Variants in SNX24 observed in about 807,000 individuals in gnomAD.
SNX24 encodes sorting nexin-24.
A neutral mutation model predicts 28.7 loss-of-function variants in SNX24; 22 were observed. The ratio of observed to expected loss-of-function variants is 0.77; its 90% CI spans 0.55 to 1.10. The LOEUF is 1.10. SNX24 is among the 50% of genes least tolerant of loss of function. SNX24 has a pLI of 0.00. For synonymous variants in SNX24, 69 were observed against 71.5 expected, an observed-to-expected ratio of 0.96 and a Z score of 0.18; for missense variants, 221 against 201.1, an observed-to-expected ratio of 1.10 and a Z score of -0.60.
intron 1 of SNX24, among the ~76,000 whole-genome samples, chr5:122,901,664 C>G (rs998871140): frequency 1.3e-5 from 2 of 152,156 alleles, no homozygotes; most frequent in Non-Finnish European, 1.5e-5. Flanking sequence ...GTCATTGCCC[C>G]TTGGACTTTA....
intron 1 of SNX24, among the ~76,000 whole-genome samples, chr5:122,906,259 C>T (rs1757642627): frequency 6.6e-6 from 1 of 152,196 alleles, no homozygotes; most frequent in Non-Finnish European, 1.5e-5. Context: ...GCACCCCATA[C>T]CTGGCTCACT....
rs566059024 is a variant in SNX24 at position 122,881,949 on chromosome 5, G to C, written c.60+36256G>C. On this transcript the variant is annotated intron_variant, in intron 1 of 6. Coordinates refer to ENST00000261369, the MANE Select transcript of SNX24 (RefSeq NM_014035.4). ...CTGCAGATAATTTCTGTGGTACAAG[G>C]ATTATGAATTTTGTTTGTTGGATTT... is the stretch of plus-strand genomic sequence containing the variant. 1.2e-3 allele frequency among the ~76,000 whole-genome samples: 183 copies of C among 151,168 alleles called. 2 individuals carry two copies. Among genetic ancestry groups the C allele is most frequent in the African/African-American group, 4.1e-3 (171 of 41,256 alleles).
rs552956854 is a variant in SNX24, at chr5:123,008,400, T to C, written c.*651T>C. 1.7e-6 allele frequency: 1 copy of C among 593,404 alleles called. No individual in the cohort carries two copies. The highest frequency in any genetic ancestry group is 2.1e-6 in the Non-Finnish European group (1 of 471,924). The allele number at this position is 593,404 out of a possible 1,614,324, so 36.8% of individuals were successfully genotyped here. A position where few individuals can be genotyped will look rare whatever the true frequency, so the allele number is the denominator to read the frequency against. ...AGGTCAGTACATAGGTAAAATGGGC[T>C]ATTAGGATGATCCTTGAAAGCCCTT... On this transcript the variant is annotated 3_prime_UTR_variant, in exon 7 of 7. Coordinates refer to ENST00000261369, the MANE Select transcript of SNX24 (RefSeq NM_014035.4).
chr5:122,902,793 C>CGTCTTG (rs1437290007), intron 1 of SNX24, among the ~76,000 whole-genome samples: 4 of 152,158 alleles, frequency 2.6e-5, no homozygotes, highest in Admixed American at 1.3e-4. Flanking sequence ...GCCCCTTCCC[C>CGTCTTG]GTCTTGTCCC....
intron 3 of SNX24, among the ~76,000 whole-genome samples, chr5:122,951,806 G>C (rs1416554331): frequency 6.6e-6 from 1 of 152,238 alleles, no homozygotes; most frequent in Admixed American, 6.5e-5. Context: ...GTCTGTTGTG[G>C]AGGCGGGAGG....
At chr5:122,861,554 ATT>A in intron 1 of SNX24, among the ~76,000 whole-genome samples, 1 of 149,892 alleles carries the variant, frequency 6.7e-6, no homozygotes, top group Middle Eastern at 3.6e-3. Flanking sequence ...CTCTCAGAGG[ATT>A]TTTTTTTTAA....
chr5:122,969,797 A>T (rs1448658636), intron 3 of SNX24, among the ~76,000 whole-genome samples: 2 of 152,016 alleles, frequency 1.3e-5, no homozygotes, highest in East Asian at 3.9e-4. Context: ...CCTTCTTTAT[A>T]TTCCACATCC....
intron 1 of SNX24, among the ~76,000 whole-genome samples, chr5:122,921,195 C>T (rs17149737): frequency 0.025 from 3,726 of 152,002 alleles, 137 homozygotes; most frequent in African/African-American, 0.071. Context: ...TCCTACTCTC[C>T]GCTGTGTTTC....
intron 3 of SNX24, among the ~76,000 whole-genome samples, chr5:122,948,329 C>T (rs1037371843): frequency 6.6e-6 from 1 of 152,094 alleles, no homozygotes; most frequent in South Asian, 2.1e-4. Flanking sequence ...TGCTCAGGAC[C>T]AGTCTGAAAC....
chr5:122,868,798 A>G (rs563893737), intron 1 of SNX24, among the ~76,000 whole-genome samples: 1 of 152,218 alleles, frequency 6.6e-6, no homozygotes, highest in African/African-American at 2.4e-5. Context: ...ATAGGATTAA[A>G]TCTGCGTCTC....
chr5:122,858,967 C>CA (rs1325116064), intron 1 of SNX24, among the ~76,000 whole-genome samples: 1 of 152,152 alleles, frequency 6.6e-6, no homozygotes, highest in Non-Finnish European at 1.5e-5. Flanking sequence ...AGGCTAGTCT[C>CA]AAACTCTTGG....
At chr5:122,953,886 C>A (rs1048264633) in intron 3 of SNX24, among the ~76,000 whole-genome samples, 7 of 152,212 alleles carry the variant, frequency 4.6e-5, no homozygotes, top group Non-Finnish European at 7.4e-5. Flanking sequence ...GCTAATAATA[C>A]AAATCCTTTT....
intron 3 of SNX24, among the ~76,000 whole-genome samples, chr5:122,990,229 G>T (rs1761779627): frequency 6.6e-6 from 1 of 152,112 alleles, no homozygotes; most frequent in African/African-American, 2.4e-5. Flanking sequence ...TGTGCACTTT[G>T]AAGTTTGCTC....
At chr5:123,027,729 T>C (rs760307944) in intron 5 of SNX24, among the ~76,000 whole-genome samples, 1 of 152,204 alleles carries the variant, frequency 6.6e-6, no homozygotes, top group Non-Finnish European at 1.5e-5. Flanking sequence ...GAAATAGTGC[T>C]TGAAAATGGC....
At position 123,007,869 on chromosome 5, in the gene SNX24, C is replaced by G; in HGVS notation, c.*120C>G. On this transcript the variant is annotated 3_prime_UTR_variant, in exon 7 of 7. Transcript: ENST00000261369. ...AACAGCTCTAGCTAGTGGTAAAGTG[C>G]ACAGTCCCAGCTTAATTCAGGGCAG... 2 of 1,501,066 alleles carry G rather than the reference C, an allele frequency of 1.3e-6. No homozygotes were observed. The highest frequency in any genetic ancestry group is 1.8e-6 in the Non-Finnish European group (2 of 1,127,958). The allele number at this position is 1,501,066 out of a possible 1,614,324, so 93.0% of individuals were successfully genotyped here.
Position 123,002,000 on chromosome 5 carries a change from C to A in SNX24, c.438C>A (p.Ala146=). ...FLRDPYVLPA[A]SDFPNVVIEG... ...GGGATCCATATGTCTTGCCTGCAGC[C>A]AGCGGTAATCAAACCTGTCATCTGC... Residue 146 remains alanine, a synonymous_variant, in exon 6 of 7, where the codon GCC becomes GCA. Transcript: ENST00000261369. The A allele has an allele frequency of 6.2e-7, 1 of 1,613,400 alleles. No homozygotes were observed. Among genetic ancestry groups the A allele is most frequent in the African/African-American group, 1.3e-5 (1 of 75,030 alleles).
downstream of SNX24, among the ~76,000 whole-genome samples, chr5:123,009,988 A>C (rs1762539936): frequency 6.6e-6 from 1 of 152,240 alleles, no homozygotes. Context: ...TCCATGAGAT[A>C]CGGAGCTCCC....
intron 1 of SNX24, among the ~76,000 whole-genome samples, chr5:122,883,727 G>A (rs922676215): frequency 2.0e-5 from 3 of 152,020 alleles, no homozygotes; most frequent in African/African-American, 4.8e-5. Context: ...ATAGCTCACT[G>A]CAAGCTTGAA....
intron 1 of SNX24, among the ~76,000 whole-genome samples, chr5:122,855,317 C>T (rs1755133268): frequency 3.9e-5 from 6 of 152,190 alleles, no homozygotes; most frequent in Admixed American, 3.9e-4. Context: ...ATCTGCTCGC[C>T]TCAGCCTCCC....
Sources: gnomAD v4.1 joint callset for allele counts (sites outside exome capture counted in the v4.1 genomes callset) on GRCh38, gnomAD v4.1.1 for gene constraint, MANE v1.5 for transcripts, NCBI Gene and HGNC (gene_info 2026-07-23, HGNC 2026-07-21) for gene names.